The following GRHL2 variants were observed in gnomAD, a reference collection of about 807,000 sequenced individuals.
The protein encoded by GRHL2 is grainyhead like transcription factor 2, also known as grainyhead-like protein 2 homolog.
In GRHL2, 21 loss-of-function variants were observed where a neutral mutation model predicts 83.8. The observed-to-expected ratio is 0.25, with a 90% CI of 0.18 to 0.36. The LOEUF is 0.36. Among genes scored for constraint, GRHL2 ranks in the 10% least tolerant of loss-of-function variants. The pLI is 1.00. For synonymous variants in GRHL2, 280 were observed against 278.9 expected (o/e 1.00, Z -0.04); for missense variants, 623 against 781.8 (o/e 0.80, Z 2.42).
rs565445567 is a variant in GRHL2, at chr8:101,519,931, A to G, written c.21-23310A>G. On this transcript the variant is annotated intron_variant, in intron 1 of 15. Transcript: ENST00000646743. ...TTGTCTAATTATTGAAAAACAAATA[A>G]TTAGTTCTTATTTTCCTAATAGTTC... Among the ~76,000 whole-genome samples the G allele has an allele frequency of 1.3e-3, 198 of 152,268 alleles. No homozygotes were observed. In the Middle Eastern group the frequency reaches 0.014, roughly 10 times the overall value.
chr8:101,519,006 A>C (rs1036860120), intron 1 of GRHL2, among the ~76,000 whole-genome samples: 1 of 151,208 alleles, frequency 6.6e-6, no homozygotes, highest in African/African-American at 2.4e-5. Context: ...CAGTTGACAA[A>C]TTTTTGAGAT....
chr8:101,644,865 T>TTG (rs1813477889), intron 13 of GRHL2, among the ~76,000 whole-genome samples: 1 of 151,540 alleles, frequency 6.6e-6, no homozygotes, highest in African/African-American at 2.4e-5. Context: ...TTTTTTTTTT[T>TTG]GAGACAGGGT....
At chr8:101,664,846 A>C (rs145335817) in intron 15 of GRHL2, among the ~76,000 whole-genome samples, 1 of 152,114 alleles carries the variant, frequency 6.6e-6, no homozygotes, top group Non-Finnish European at 1.5e-5. Flanking sequence ...TTTATAGGGA[A>C]TCACGTATGG....
chr8:101,630,921 G>T (rs1156499151), intron 9 of GRHL2, among the ~76,000 whole-genome samples: 3 of 152,172 alleles, frequency 2.0e-5, no homozygotes, highest in Non-Finnish European at 4.4e-5. Flanking sequence ...ATATAAGGTG[G>T]TGGTCAATTG....
chr8:101,663,605 C>CCAT (rs1381494746), intron 14 of GRHL2, among the ~76,000 whole-genome samples: 7 of 143,098 alleles, frequency 4.9e-5, no homozygotes, highest in Non-Finnish European at 8.9e-5. Flanking sequence ...GAGCAAGATT[C>CCAT]CATCTCAAAA....
the GRHL2 span, among the ~76,000 whole-genome samples, chr8:101,677,082 T>C: frequency 6.6e-5 from 10 of 151,746 alleles, no homozygotes; most frequent in African/African-American, 2.4e-4. Flanking sequence ...GAGGGGGGGA[T>C]AGATAGCATT....
At chr8:101,612,005 G>A (rs1411917739) in intron 8 of GRHL2, among the ~76,000 whole-genome samples, 2 of 150,578 alleles carry the variant, frequency 1.3e-5, no homozygotes, top group Non-Finnish European at 2.9e-5. Flanking sequence ...TTTTTGAGAT[G>A]GAGTCTCGCT....
intron 2 of GRHL2, 118 bp downstream of exon 2, chr8:101,543,554 A>G: frequency 5.3e-6 from 5 of 937,364 alleles, no homozygotes; most frequent in Non-Finnish European, 8.5e-6. Context: ...TCCAAAGTCA[A>G]TATAGAATTC....
intron 1 of GRHL2, among the ~76,000 whole-genome samples, chr8:101,512,052 T>G (rs1219569378): frequency 6.6e-6 from 1 of 152,216 alleles, no homozygotes; most frequent in East Asian, 1.9e-4. Flanking sequence ...TTTATGCCTA[T>G]GAAGCAACTA....
chr8:101,641,607 G>C (rs1813402219), intron 12 of GRHL2, among the ~76,000 whole-genome samples: 1 of 152,126 alleles, frequency 6.6e-6, no homozygotes, highest in African/African-American at 2.4e-5. Flanking sequence ...TCAGGGACTT[G>C]ATTTCCCTGA....
chr8:101,650,377 G>A (rs192787203), intron 14 of GRHL2, among the ~76,000 whole-genome samples: 6 of 152,236 alleles, frequency 3.9e-5, no homozygotes, highest in Non-Finnish European at 7.4e-5. Flanking sequence ...ATAGTATTCC[G>A]TTGTGTAAAT....
chr8:101,642,602 G>A (rs113669770), intron 12 of GRHL2, among the ~76,000 whole-genome samples: 1 of 152,122 alleles, frequency 6.6e-6, no homozygotes, highest in African/African-American at 2.4e-5. Flanking sequence ...GAAGGCAGAG[G>A]GAACACTGCC....
chr8:101,632,141 A>G, intron 10 of GRHL2, 85 bp from the exon 11 acceptor site: 1 of 1,449,890 alleles, frequency 6.9e-7, no homozygotes, highest in South Asian at 1.1e-5. Flanking sequence ...TTCATATGAG[A>G]AAATCGTGGA....
intron 12 of GRHL2, among the ~76,000 whole-genome samples, chr8:101,639,588 C>A: frequency 6.6e-6 from 1 of 152,198 alleles, no homozygotes; most frequent in East Asian, 1.9e-4. Flanking sequence ...ACTGTGTAAC[C>A]CTCTTAATTC....
At chr8:101,493,276 A>C (rs1376874317) in intron 1 of GRHL2, among the ~76,000 whole-genome samples, 7 of 152,106 alleles carry the variant, frequency 4.6e-5, no homozygotes, top group Non-Finnish European at 8.8e-5. Flanking sequence ...CTTTTATATG[A>C]GGCAGAAACG....
chr8:101,522,750 TAC>T (rs953672989), intron 1 of GRHL2, among the ~76,000 whole-genome samples: 41 of 130,294 alleles, frequency 3.1e-4, no homozygotes, highest in Admixed American at 1.3e-3. Flanking sequence ...TATATATATA[TAC>T]ACACACATAT....
intron 4 of GRHL2, among the ~76,000 whole-genome samples, chr8:101,564,812 CAAA>C (rs3035637): frequency 9.1e-6 from 1 of 109,764 alleles, no homozygotes; most frequent in East Asian, 2.8e-4. Context: ...GCCCTGTCTC[CAAA>C]AAAAAAAAAA....
intron 7 of GRHL2, 122 bp from the exon 8 acceptor site, chr8:101,598,935 G>A (rs1563600153): frequency 5.6e-6 from 4 of 709,384 alleles, no homozygotes; most frequent in East Asian, 2.7e-5. Flanking sequence ...TTAACTGTTA[G>A]CATGGAGATA....
intron 7 of GRHL2, among the ~76,000 whole-genome samples, chr8:101,585,325 T>C (rs1351487640): frequency 1.3e-5 from 2 of 152,240 alleles, no homozygotes; most frequent in South Asian, 2.1e-4. Context: ...ATTTCATTTT[T>C]TGATGTTTTT....
Sources: gnomAD v4.1 joint callset for allele counts (sites outside exome capture counted in the v4.1 genomes callset) on GRCh38, gnomAD v4.1.1 for gene constraint, MANE v1.5 for transcripts, NCBI Gene and HGNC (gene_info 2026-07-23, HGNC 2026-07-21) for gene names.